BNC2: variants seen among roughly 807,000 people sequenced by gnomAD.
The protein encoded by BNC2 is basonuclin zinc finger protein 2, also known as zinc finger protein basonuclin-2.
A neutral mutation model predicts 76.3 loss-of-function variants in BNC2; 20 were observed. The ratio of observed to expected loss-of-function variants is 0.26; its 90% CI spans 0.18 to 0.38. BNC2 has a LOEUF of 0.38. Among genes scored for constraint, BNC2 ranks in the 10% least tolerant of loss-of-function variants. The pLI is 1.00. For synonymous variants in BNC2, 582 were observed against 514.8 expected (o/e 1.13, Z -1.77); for missense variants, 1,382 against 1,399.8 (o/e 0.99, Z 0.20).
chr9:16,733,293 G>C (rs1824566578), intron 2 of BNC2, among the ~76,000 whole-genome samples: 1 of 152,160 alleles, frequency 6.6e-6, no homozygotes, highest in Non-Finnish European at 1.5e-5. Flanking sequence ...CCTGAGGAAA[G>C]AAGTTGACAG....
At chr9:16,854,404 A>G (rs1819202487) in intron 1 of BNC2, among the ~76,000 whole-genome samples, 1 of 152,192 alleles carries the variant, frequency 6.6e-6, no homozygotes, top group Non-Finnish European at 1.5e-5. Context: ...CAGAGATTAA[A>G]TACACATACT....
At chr9:16,655,524 G>T (rs1238767879) in intron 3 of BNC2, among the ~76,000 whole-genome samples, 1 of 151,926 alleles carries the variant, frequency 6.6e-6, no homozygotes, top group Non-Finnish European at 1.5e-5. Flanking sequence ...GCCATAAAAA[G>T]GCAGGACTAT....
At chr9:16,820,122 CAAAAAAAAAAAAAA>C (rs11387388) in intron 1 of BNC2, among the ~76,000 whole-genome samples, 1 of 81,788 alleles carries the variant, frequency 1.2e-5, no homozygotes, top group Non-Finnish European at 2.1e-5. Context: ...GAGACTGTCT[CAAAAAAAAAAAAAA>C]AAAAAAGGGC....
intron 4 of BNC2, among the ~76,000 whole-genome samples, chr9:16,568,874 GA>G (rs1819238662): frequency 6.6e-6 from 1 of 152,094 alleles, no homozygotes. Context: ...ACTTCTGGGG[GA>G]AAGAACTATG....
intron 5 of BNC2, among the ~76,000 whole-genome samples, chr9:16,438,603 G>A (rs1821066114): frequency 6.6e-6 from 1 of 152,000 alleles, no homozygotes; most frequent in Non-Finnish European, 1.5e-5. Flanking sequence ...ACTTTCTAGG[G>A]CACCATTTCT....
chr9:16,575,506 G>A (rs950119647), intron 4 of BNC2: 1 of 906,462 alleles, frequency 1.1e-6, no homozygotes. Context: ...AATTTAAGGA[G>A]TGCAAAGCAC....
intron 5 of BNC2, among the ~76,000 whole-genome samples, chr9:16,499,615 T>C (rs1822476834): frequency 6.6e-6 from 1 of 150,568 alleles, no homozygotes; most frequent in Non-Finnish European, 1.5e-5. Flanking sequence ...CTGTAACTTC[T>C]GCCTCCTGGG....
intron 6 of BNC2, among the ~76,000 whole-genome samples, chr9:16,420,966 A>C (rs1820697787): frequency 6.6e-6 from 1 of 152,246 alleles, no homozygotes; most frequent in African/African-American, 2.4e-5. Flanking sequence ...TACTGGTGGA[A>C]GCTCTACAGC....
chr9:16,836,347 G>C (rs1329696735), intron 1 of BNC2, among the ~76,000 whole-genome samples: 1 of 151,974 alleles, frequency 6.6e-6, no homozygotes, highest in African/African-American at 2.4e-5. Context: ...ACTATAGCTG[G>C]AGTCAAACGA....
At position 16,414,826 on chromosome 9, in the gene BNC2, A is replaced by G. The variant is rs919266870; in HGVS notation, c.*4163T>C. 3.9e-5 allele frequency: 6 copies of G among 152,062 alleles called. No homozygotes were observed. Among genetic ancestry groups the G allele is most frequent in the Admixed American group, 2.6e-4 (4 of 15,264 alleles). The allele number at this position is 152,062 out of a possible 1,614,324, so 9.4% of individuals were successfully genotyped here. A position where few individuals can be genotyped will look rare whatever the true frequency, so the allele number is the denominator to read the frequency against. ...TCTGGGGTGTGTACAGAGAAAGGGG[A>G]AAAAAAGGTCACATTGTATTTGGTG... On this transcript the variant is annotated 3_prime_UTR_variant, in exon 7 of 7. Coordinates refer to ENST00000380672, the MANE Select transcript of BNC2 (RefSeq NM_017637.6).
At chr9:16,767,903 G>C (rs1271915182) in intron 1 of BNC2, among the ~76,000 whole-genome samples, 2 of 151,208 alleles carry the variant, frequency 1.3e-5, no homozygotes, top group Non-Finnish European at 2.9e-5. Flanking sequence ...AGCTATCAAA[G>C]ACTTTTAAGA....
intron 5 of BNC2, among the ~76,000 whole-genome samples, chr9:16,506,511 C>CTTTTTTTTTTTT (rs1563814965): frequency 1.2e-5 from 1 of 81,450 alleles, no homozygotes; most frequent in African/African-American, 5.5e-5. Context: ...TCTCTCTCTC[C>CTTTTTTTTTTTT]TCTTTTTTTT....
intron 5 of BNC2, among the ~76,000 whole-genome samples, chr9:16,493,199 T>C (rs72717037): frequency 0.025 from 3,774 of 152,272 alleles, 82 homozygotes; most frequent in South Asian, 0.11. Flanking sequence ...ACCACTGATC[T>C]GTGTTTCTCA....
chr9:16,465,794 T>A (rs1216579309), intron 5 of BNC2, among the ~76,000 whole-genome samples: 1 of 151,974 alleles, frequency 6.6e-6, no homozygotes, highest in Non-Finnish European at 1.5e-5. Flanking sequence ...TGGTACAGAG[T>A]ATGCAATTAA....
chr9:16,843,202 G>C (rs998728364), intron 1 of BNC2, among the ~76,000 whole-genome samples: 2 of 152,198 alleles, frequency 1.3e-5, no homozygotes, highest in African/African-American at 4.8e-5. Context: ...AGCAGAATCA[G>C]TATTCAAATT....
intron 3 of BNC2, among the ~76,000 whole-genome samples, chr9:16,627,859 G>C (rs1268072740): frequency 6.6e-6 from 1 of 152,078 alleles, no homozygotes; most frequent in African/African-American, 2.4e-5. Flanking sequence ...TTTGCAGAAA[G>C]TAAAAAGAGA....
At chr9:16,621,382 C>A (rs978622969) in intron 3 of BNC2, among the ~76,000 whole-genome samples, 1 of 152,070 alleles carries the variant, frequency 6.6e-6, no homozygotes, top group Non-Finnish European at 1.5e-5. Context: ...AAAACTGAGA[C>A]AGTATGGCTT....
rs1194663014 is a variant in BNC2, at chr9:16,412,411, C to G, written c.*6578G>C. ...GAAGAAAAATATTTTAATCTTTTCCCTACAGATTAGGGGGCAATATAATCT... is the reference window on the plus strand; with the variant it reads ...GAAGAAAAATATTTTAATCTTTTCCGTACAGATTAGGGGGCAATATAATCT... On this transcript the variant is annotated 3_prime_UTR_variant, in exon 7 of 7. Transcript: ENST00000380672. The G allele has an allele frequency of 5.2e-5, 8 of 152,540 alleles. 1 individual carries two copies. In the Middle Eastern group the frequency reaches 0.024, roughly 454 times the overall value. 9.4% of individuals were successfully genotyped at this position (152,540 alleles called of 1,614,324 possible).
intron 1 of BNC2, among the ~76,000 whole-genome samples, chr9:16,741,957 C>A (rs1288266397): frequency 1.3e-3 from 103 of 79,350 alleles, no homozygotes; most frequent in Admixed American, 2.5e-3. Context: ...GGCTCCATCT[C>A]AAAAAAAAAA....
Sources: allele counts gnomAD v4.1 joint callset (sites outside exome capture counted in the v4.1 genomes callset), GRCh38; gene constraint gnomAD v4.1.1; transcripts MANE v1.5; gene names NCBI Gene and HGNC (gene_info 2026-07-23, HGNC 2026-07-21).